ACOXL: variants seen among roughly 807,000 people sequenced by gnomAD.
ACOXL encodes acyl-CoA oxidase like, also known as acyl-coenzyme A oxidase-like protein.
A neutral mutation model predicts 71.9 loss-of-function variants in ACOXL; 70 were observed. The observed-to-expected ratio is 0.97, with a 90% CI of 0.80 to 1.19. The LOEUF (loss-of-function observed/expected upper bound fraction) is 1.19. Ranked by LOEUF, ACOXL falls within the 50% of genes most tolerant of loss-of-function variation. The probability of loss-of-function intolerance (pLI) is 0.00; values close to 1 mark genes in which losing one functional copy is unlikely to be tolerated. For missense variants in ACOXL, 703 were observed against 736.3 expected, an observed-to-expected ratio of 0.95 and a Z score of 0.52; for synonymous variants, 253 against 281.6, an observed-to-expected ratio of 0.90 and a Z score of 1.02.
Position 110,807,170 on chromosome 2 carries a change from G to A in ACOXL, c.753+1775G>A, listed in dbSNP as rs546110515. On this transcript the variant is annotated intron_variant, in intron 9 of 17. Transcript: ENST00000439055. ...ACACGGAGACGTGATCATGATCGTG[G>A]GCAGGAAAGCCCTGGGCTCAGCCCT... is the stretch of plus-strand genomic sequence containing the variant. Among the ~76,000 whole-genome samples the A allele has an allele frequency of 5.3e-5, 8 of 152,332 alleles. No individual in the cohort carries two copies. In the South Asian group the frequency reaches 1.7e-3, roughly 32 times the overall value.
chr2:110,794,285 C>T (rs984027307), intron 5 of ACOXL, 111 bp downstream of exon 5: 2 of 1,039,374 alleles, frequency 1.9e-6, no homozygotes, highest in Non-Finnish European at 2.8e-6. Flanking sequence ...CTCTCTGGCC[C>T]AGGGAGCTGA....
chr2:110,768,300 C>G (rs199930291), intron 1 of ACOXL, 68 bp from the exon 2 acceptor site: 1 of 1,329,514 alleles, frequency 7.5e-7, no homozygotes, highest in African/African-American at 1.4e-5. Flanking sequence ...AGCCCGGGGT[C>G]AAAGCATCCA....
At chr2:110,932,701 GTAGACCAAA>G (rs2060520415) in intron 11 of ACOXL, among the ~76,000 whole-genome samples, 1 of 152,226 alleles carries the variant, frequency 6.6e-6, no homozygotes, top group Non-Finnish European at 1.5e-5. Context: ...TCCTATGTGT[GTAGACCAAA>G]ATAAGAGGAG....
At position 111,117,876 on chromosome 2, in the gene ACOXL, C is replaced by T. The variant is rs1405111099; in HGVS notation, c.*60C>T. The T allele has an allele frequency of 2.3e-5, 34 of 1,502,690 alleles. No homozygotes were observed. The highest frequency in any genetic ancestry group is 2.8e-5 in the Non-Finnish European group (32 of 1,123,626). The allele number at this position is 1,502,690 out of a possible 1,614,324, so 93.1% of individuals were successfully genotyped here. ...GCTGCCACGACGCTCGCTCCACCGA[C>T]GCCCAGAGCTGTGGCCGAGGCCGGG... On this transcript the variant is annotated 3_prime_UTR_variant, in exon 18 of 18. Transcript: ENST00000439055.
At chr2:111,020,772 A>G (rs1382064256) in intron 14 of ACOXL, among the ~76,000 whole-genome samples, 1 of 152,148 alleles carries the variant, frequency 6.6e-6, no homozygotes, top group South Asian at 2.1e-4. Flanking sequence ...GGGCCTGGGG[A>G]CCAGGAGGGC....
chr2:111,013,632 A>G (rs1241746825), intron 14 of ACOXL, among the ~76,000 whole-genome samples: 2 of 149,006 alleles, frequency 1.3e-5, no homozygotes, highest in Non-Finnish European at 3.0e-5. Flanking sequence ...TTTCTATTTT[A>G]TTCCATAACA....
intron 16 of ACOXL, among the ~76,000 whole-genome samples, chr2:111,069,675 G>T (rs1416655365): frequency 6.6e-6 from 1 of 152,052 alleles, no homozygotes; most frequent in Admixed American, 6.6e-5. Flanking sequence ...GGGGAATTGG[G>T]GGTGACAGTA....
At chr2:110,948,429 C>A (rs960252840) in intron 12 of ACOXL, among the ~76,000 whole-genome samples, 19 of 152,178 alleles carry the variant, frequency 1.2e-4, no homozygotes, top group Admixed American at 1.2e-3. Flanking sequence ...ACATTCAACA[C>A]CACCTCATTT....
intron 10 of ACOXL, among the ~76,000 whole-genome samples, chr2:110,846,396 A>G (rs1460048729): frequency 6.6e-6 from 1 of 152,138 alleles, no homozygotes; most frequent in East Asian, 1.9e-4. Context: ...AGAAGTCACT[A>G]AAATCCTGTA....
chr2:111,022,968 A>C (rs1378784317), intron 14 of ACOXL, among the ~76,000 whole-genome samples: 1 of 152,234 alleles, frequency 6.6e-6, no homozygotes, highest in African/African-American at 2.4e-5. Context: ...CTCACCCCCA[A>C]GAGCAGAAAG....
chr2:110,824,440 T>TTAA (rs1160746664), intron 9 of ACOXL, among the ~76,000 whole-genome samples: 2 of 152,240 alleles, frequency 1.3e-5, no homozygotes, highest in Non-Finnish European at 2.9e-5. Context: ...AAGTGACACC[T>TTAA]TAACAACCTC....
intron 9 of ACOXL, among the ~76,000 whole-genome samples, chr2:110,818,451 GTATATATATATATATGTATA>G (rs1688209976): frequency 7.4e-6 from 1 of 135,822 alleles, no homozygotes; most frequent in African/African-American, 2.8e-5. Flanking sequence ...GTGTGTGTGT[GTATATATATATATATGTATA>G]TGTGTATGTG....
chr2:110,993,433 T>C (rs1445378127), intron 13 of ACOXL, among the ~76,000 whole-genome samples: 1 of 152,208 alleles, frequency 6.6e-6, no homozygotes, highest in East Asian at 1.9e-4. Flanking sequence ...GGCATAATAC[T>C]TTTTGACATT....
chr2:111,085,110 ACATTCC>A (rs1421140833), intron 16 of ACOXL, among the ~76,000 whole-genome samples: 6 of 152,216 alleles, frequency 3.9e-5, no homozygotes, highest in Non-Finnish European at 8.8e-5. Context: ...GAAGAGACTT[ACATTCC>A]CACACAATAA....
chr2:110,940,250 A>C (rs2060818123), intron 12 of ACOXL, among the ~76,000 whole-genome samples: 2 of 152,198 alleles, frequency 1.3e-5, no homozygotes, highest in African/African-American at 4.8e-5. Context: ...TGCAAAACAC[A>C]GCCCAGACTC....
chr2:111,076,520 A>C (rs1185753617), intron 16 of ACOXL, among the ~76,000 whole-genome samples: 3 of 152,124 alleles, frequency 2.0e-5, no homozygotes, highest in Admixed American at 6.6e-5. Flanking sequence ...GGTTTTTTTA[A>C]AACATTTATT....
At chr2:110,963,850 A>G (rs953606739) in intron 12 of ACOXL, 231 of 1,265,292 alleles carry the variant, frequency 1.8e-4, no homozygotes, top group Non-Finnish European at 2.4e-4. Context: ...GTTGTAGCTG[A>G]ACAGGGGATT....
At chr2:110,768,314 C>A in intron 1 of ACOXL, 54 bp from the exon 2 acceptor site, 1 of 1,471,154 alleles carries the variant, frequency 6.8e-7, no homozygotes. Context: ...GCATCCACAG[C>A]CTCCCCTCAG....
rs532724738 is a variant in ACOXL at position 110,838,234 on chromosome 2, G to C, written c.754-3137G>C. The stretch of plus-strand genomic sequence containing the variant: ...AAGCACTAAAAGACTGCATGTGTGC[G>C]TGTGCATGTCTGAATGTGGACGAGT... On this transcript the variant is annotated intron_variant, in intron 9 of 17. Coordinates refer to ENST00000439055, the MANE Select transcript of ACOXL (RefSeq NM_001142807.4). Among the ~76,000 whole-genome samples the C allele has an allele frequency of 2.0e-5, 3 of 152,182 alleles. No homozygotes were observed. The East Asian group carries it at 5.8e-4, about 29-fold the overall frequency.
Sources: allele counts gnomAD v4.1 joint callset (sites outside exome capture counted in the v4.1 genomes callset), GRCh38; gene constraint gnomAD v4.1.1; transcripts MANE v1.5; gene names NCBI Gene and HGNC (gene_info 2026-07-23, HGNC 2026-07-21).